Variants in PAFAH1B1 observed in about 807,000 individuals in gnomAD.
The protein encoded by PAFAH1B1 is platelet activating factor acetylhydrolase 1b regulatory subunit 1, also known as platelet-activating factor acetylhydrolase IB subunit beta.
A neutral mutation model predicts 57.5 loss-of-function variants in PAFAH1B1; 2 were observed. The ratio of observed to expected loss-of-function variants is 0.03; its 90% CI spans 0.01 to 0.11. PAFAH1B1 has a LOEUF of 0.11. Ranked by LOEUF, PAFAH1B1 falls within the 10% of genes least tolerant of loss-of-function variation. The probability of loss-of-function intolerance (pLI) is 1.00; values close to 1 mark genes in which losing one functional copy is unlikely to be tolerated. For synonymous variants in PAFAH1B1, 152 were observed against 169.6 expected (o/e 0.90, Z 0.81); for missense variants, 257 against 512.0 (o/e 0.50, Z 4.81).
intron 2 of PAFAH1B1, among the ~76,000 whole-genome samples, chr17:2,649,858 A>G (rs11078288): frequency 0.89 from 135,384 of 152,202 alleles, 61,913 homozygotes; most frequent in East Asian, 1. Context: ...TGTGGAATAG[A>G]CAAATAGGTT....
chr17:2,685,394 AG>A lies in PAFAH1B1; in HGVS notation c.*3593del, dbSNP rs1315575509. The A allele has an allele frequency of 6.6e-6, 1 of 152,460 alleles. No homozygotes were observed. The highest frequency in any genetic ancestry group is 2.4e-5 in the African/African-American group (1 of 41,414). The allele number at this position is 152,460 out of a possible 1,614,324, so 9.4% of individuals were successfully genotyped here. On this transcript the variant is annotated 3_prime_UTR_variant, in exon 11 of 11. Transcript: ENST00000397195. ...CTTGATTTCGTATGAACGTTGCTGA[AG>A]TGGTAATTGAGGAAAACAGTTCCCC...
chr17:2,620,893 G>C (rs1340208006), intron 1 of PAFAH1B1, among the ~76,000 whole-genome samples: 4 of 152,064 alleles, frequency 2.6e-5, no homozygotes, highest in African/African-American at 9.7e-5. Flanking sequence ...TTTTCTAACT[G>C]AAATTCAGAT....
At chr17:2,675,937 G>T (rs2069258402) in intron 8 of PAFAH1B1, among the ~76,000 whole-genome samples, 1 of 152,214 alleles carries the variant, frequency 6.6e-6, no homozygotes, top group Non-Finnish European at 1.5e-5. Context: ...AGTGATTACA[G>T]AAATCTTGAA....
intron 1 of PAFAH1B1, among the ~76,000 whole-genome samples, chr17:2,620,576 T>C (rs762415863): frequency 3.9e-4 from 60 of 152,134 alleles, no homozygotes; most frequent in Non-Finnish European, 7.1e-4. Context: ...ACTAAGAAAG[T>C]AGCGTGGCCG....
chr17:2,607,996 T>G (rs2068225684), intron 1 of PAFAH1B1, among the ~76,000 whole-genome samples: 1 of 152,220 alleles, frequency 6.6e-6, no homozygotes, highest in African/African-American at 2.4e-5. Flanking sequence ...TCTACTTGGT[T>G]TTCTTTCCTG....
chr17:2,648,124 C>T (rs1224183918), intron 2 of PAFAH1B1, among the ~76,000 whole-genome samples: 2 of 152,092 alleles, frequency 1.3e-5, no homozygotes. Flanking sequence ...TCGTCCTTCA[C>T]ATAGTGGCAG....
intron 9 of PAFAH1B1, chr17:2,679,946 T>A (rs768892488): frequency 1.8e-5 from 10 of 558,126 alleles, no homozygotes; most frequent in Non-Finnish European, 3.2e-5. Flanking sequence ...GCGGGACTTC[T>A]TTTTAACCCT....
intron 1 of PAFAH1B1, among the ~76,000 whole-genome samples, chr17:2,604,064 G>A (rs1041623816): frequency 3.3e-5 from 5 of 149,938 alleles, no homozygotes; most frequent in Non-Finnish European, 5.9e-5. Flanking sequence ...TTTTTGAGAC[G>A]GAGTTGAGGT....
chr17:2,653,889 A>G (rs1294614192), intron 2 of PAFAH1B1, among the ~76,000 whole-genome samples: 2 of 151,924 alleles, frequency 1.3e-5, no homozygotes, highest in African/African-American at 4.8e-5. Context: ...GCTTACTGCA[A>G]CCTCCACCTC....
Position 2,638,502 on chromosome 17 carries a change from T to A in PAFAH1B1, c.32+182T>A, listed in dbSNP as rs181155247. On this transcript the variant is annotated intron_variant, in intron 2 of 10. Transcript: ENST00000397195. ...TCTTATTATGATATAGCATTATTTT[T>A]AAAATTTATTTATTCTTTCTGAGAA... 7.3e-4 allele frequency: 418 copies of A among 569,826 alleles called. 1 individual carries two copies. The highest frequency in any genetic ancestry group is 5.9e-3 in the African/African-American group (311 of 52,596). The allele number at this position is 569,826 out of a possible 1,614,324, so 35.3% of individuals were successfully genotyped here.
rs1365148612 is a variant in PAFAH1B1 at position 2,685,607 on chromosome 17, A to G, written c.*3805A>G. The G allele has an allele frequency of 1.3e-5, 2 of 150,774 alleles. No homozygotes were observed. The highest frequency in any genetic ancestry group is 2.4e-5 in the African/African-American group (1 of 40,930). 9.3% of individuals were successfully genotyped at this position (150,774 alleles called of 1,614,324 possible). On this transcript the variant is annotated 3_prime_UTR_variant, in exon 11 of 11. Coordinates refer to ENST00000397195, the MANE Select transcript of PAFAH1B1 (RefSeq NM_000430.4). The stretch of plus-strand genomic sequence containing the variant: ...CCAACTGGTAAACTATTAAATGCCT[A>G]TAAAACTAGATGTGATTTTTTTTTT...
chr17:2,650,944 A>G (rs1288474067), intron 2 of PAFAH1B1, among the ~76,000 whole-genome samples: 1 of 152,138 alleles, frequency 6.6e-6, no homozygotes, highest in Non-Finnish European at 1.5e-5. Context: ...CAGAGTGAAA[A>G]CTGTCTTTTC....
chr17:2,652,233 A>G (rs917760097), intron 2 of PAFAH1B1, among the ~76,000 whole-genome samples: 3 of 151,634 alleles, frequency 2.0e-5, no homozygotes, highest in African/African-American at 4.8e-5. Flanking sequence ...ACACGGTGAA[A>G]CCCCGTCTCT....
chr17:2,652,405 A>G (rs1018845319), intron 2 of PAFAH1B1, among the ~76,000 whole-genome samples: 4 of 152,096 alleles, frequency 2.6e-5, no homozygotes, highest in Non-Finnish European at 5.9e-5. Flanking sequence ...GCAGAGCGAG[A>G]CTCCGTCTCA....
chr17:2,631,222 CAGAGCA>C (rs894359836), intron 1 of PAFAH1B1, among the ~76,000 whole-genome samples: 3 of 150,964 alleles, frequency 2.0e-5, no homozygotes, highest in African/African-American at 7.3e-5. Flanking sequence ...GCCTGGGCGA[CAGAGCA>C]AGATGCTCTG....
chr17:2,674,013 T>G (rs747497874), intron 7 of PAFAH1B1, 47 bp from the exon 8 acceptor site: 5 of 1,338,832 alleles, frequency 3.7e-6, no homozygotes, highest in Non-Finnish European at 5.4e-6. Flanking sequence ...CTGGGAAGTG[T>G]CCTGATGATT....
chr17:2,664,665 G>GCTCGCTCTCTCT lies in PAFAH1B1; in HGVS notation c.33-704_33-703insGCTCTCTCTCTC, dbSNP rs1555526142. Among the ~76,000 whole-genome samples, 641 of 86,046 alleles carry GCTCGCTCTCTCT rather than the reference G, an allele frequency of 7.4e-3. 5 individuals carry two copies. Among genetic ancestry groups the GCTCGCTCTCTCT allele is most frequent in the African/African-American group, 0.014 (354 of 25,638 alleles). The allele number at this position is 86,046 out of a possible 152,430, so 56.4% of individuals were successfully genotyped here. A position where few individuals can be genotyped will look rare whatever the true frequency, so the allele number is the denominator to read the frequency against. On this transcript the variant is annotated intron_variant, in intron 2 of 10. Transcript: ENST00000397195. ...TGATATATATCTATATCTATCTATC[G>GCTCGCTCTCTCT]CTCTCTCTCTCTCTCTCTCTCTCTC...
intron 1 of PAFAH1B1, among the ~76,000 whole-genome samples, chr17:2,631,233 GCT>G (rs1202608727): frequency 6.6e-6 from 1 of 151,306 alleles, no homozygotes; most frequent in Non-Finnish European, 1.5e-5. Context: ...AGAGCAAGAT[GCT>G]CTGTCTCAAA....
In PAFAH1B1 at chr17:2,682,801, T is replaced by C. The variant is rs1567565123; in HGVS notation, c.*999T>C. ...TTTGTTTTTCAACATGAATCTGATA[T>C]TGATTTAAACTGTGTTTCACTTACA... On this transcript the variant is annotated 3_prime_UTR_variant, in exon 11 of 11. Coordinates refer to ENST00000397195, the MANE Select transcript of PAFAH1B1 (RefSeq NM_000430.4). The C allele has an allele frequency of 1.3e-5, 2 of 152,754 alleles. No individual in the cohort carries two copies. The highest frequency in any genetic ancestry group is 2.1e-4 in the South Asian group (1 of 4,834). The allele number at this position is 152,754 out of a possible 1,614,324, so 9.5% of individuals were successfully genotyped here.
Sources: gnomAD v4.1 joint callset for allele counts (sites outside exome capture counted in the v4.1 genomes callset) on GRCh38, gnomAD v4.1.1 for gene constraint, MANE v1.5 for transcripts, NCBI Gene and HGNC (gene_info 2026-07-23, HGNC 2026-07-21) for gene names.